Variants in BAZ2B observed in about 807,000 individuals in gnomAD.
The protein encoded by BAZ2B is bromodomain adjacent to zinc finger domain 2B.
A neutral mutation model predicts 246.0 loss-of-function variants in BAZ2B; 91 were observed. The ratio of observed to expected loss-of-function variants is 0.37; its 90% confidence interval spans 0.31 to 0.44. The LOEUF (loss-of-function observed/expected upper bound fraction) is 0.44. Ranked by LOEUF, BAZ2B falls within the 20% of genes least tolerant of loss-of-function variation. BAZ2B has a pLI of 1.00. For missense variants in BAZ2B, 2,332 were observed against 2,533.7 expected (o/e 0.92, Z 1.71); for synonymous variants, 855 against 860.0 (o/e 0.99, Z 0.10).
In BAZ2B at chr2:159,408,431, A is replaced by G. The variant is rs555068544; in HGVS notation, c.2678-3317T>C. On this transcript the variant is annotated intron_variant, in intron 14 of 36. Transcript: ENST00000392783. ...AGCAATCCTCTCACCTTGGCCTCCC[A>G]AAGTGCTAGGATTACACAGGTATAA... 5.3e-4 allele frequency among the ~76,000 whole-genome samples: 81 copies of G among 152,310 alleles called. 3 individuals are homozygous for G. The South Asian group carries it at 0.017, about 31-fold the overall frequency.
At position 159,471,627 on chromosome 2, in the gene BAZ2B, C is replaced by CT. The variant is rs553574175; in HGVS notation, c.145+6947dup. ...AAAAGAAGGTGTTTTGTATATACTG[C>CT]TTTTTTTAGGATGGGTGATACTAAG... On this transcript the variant is annotated intron_variant, in intron 3 of 36. Coordinates refer to ENST00000392783, the MANE Select transcript of BAZ2B (RefSeq NM_013450.4). 1.2e-4 allele frequency among the ~76,000 whole-genome samples: 19 copies of CT among 152,086 alleles called. 1 individual carries two copies. The South Asian group carries it at 4.0e-3, about 32-fold the overall frequency.
intron 19 of BAZ2B, chr2:159,397,103 G>A: frequency 6.9e-7 from 1 of 1,450,810 alleles, no homozygotes; most frequent in Non-Finnish European, 9.2e-7. Context: ...TCCAACTCCT[G>A]GTAGAAAGAG....
chr2:159,393,659 G>A (rs558934401), intron 20 of BAZ2B, among the ~76,000 whole-genome samples: 1 of 152,292 alleles, frequency 6.6e-6, no homozygotes, highest in Admixed American at 6.5e-5. Context: ...AGGTAGGAGA[G>A]GGAGAGCTAT....
At chr2:159,629,306 C>A in the BAZ2B span, among the ~76,000 whole-genome samples, 22 of 152,166 alleles carry the variant, frequency 1.4e-4, no homozygotes, top group Admixed American at 1.3e-4. Context: ...CTATTTGACC[C>A]AGCAATCTCA....
chr2:159,484,401 A>G (rs2079586064), intron 2 of BAZ2B, among the ~76,000 whole-genome samples: 1 of 152,216 alleles, frequency 6.6e-6, no homozygotes, highest in African/African-American at 2.4e-5. Flanking sequence ...CATTTTATCC[A>G]AATGTTTAAA....
At chr2:159,565,702 G>A (rs1255781163) in intron 1 of BAZ2B, among the ~76,000 whole-genome samples, 3 of 151,078 alleles carry the variant, frequency 2.0e-5, no homozygotes, top group Admixed American at 6.6e-5. Flanking sequence ...GCTTGAATCC[G>A]GGAGGGCGAG....
the BAZ2B span, among the ~76,000 whole-genome samples, chr2:159,646,600 T>C: frequency 6.6e-6 from 1 of 152,112 alleles, no homozygotes; most frequent in African/African-American, 2.4e-5. Flanking sequence ...GTGTAAGAAA[T>C]TATAAAAGTA....
At chr2:159,479,410 A>G (rs1276787011) in intron 2 of BAZ2B, among the ~76,000 whole-genome samples, 1 of 152,146 alleles carries the variant, frequency 6.6e-6, no homozygotes, top group African/African-American at 2.4e-5. Flanking sequence ...TTTGGAATAT[A>G]ATGGGCATTT....
chr2:159,324,966 A>G lies in BAZ2B; in HGVS notation c.6210-12T>C. Reference sequence around the variant, plus strand: ...CAGTCAGAATCATACTAAAGAAAATAATGTTTGAAATCAGTATCCATACTT... The same window carrying G: ...CAGTCAGAATCATACTAAAGAAAATGATGTTTGAAATCAGTATCCATACTT... On this transcript the variant is annotated splice_polypyrimidine_tract_variant and intron_variant, in intron 35 of 36. Transcript: ENST00000392783. 6.7e-7 allele frequency: 1 copy of G among 1,495,650 alleles called. No homozygotes were observed. Among genetic ancestry groups the G allele is most frequent in the Non-Finnish European group, 8.8e-7 (1 of 1,134,164 alleles). 92.6% of individuals were successfully genotyped at this position (1,495,650 alleles called of 1,614,324 possible).
chr2:159,504,841 C>G (rs1157182410), intron 2 of BAZ2B, among the ~76,000 whole-genome samples: 1 of 152,072 alleles, frequency 6.6e-6, no homozygotes, highest in African/African-American at 2.4e-5. Flanking sequence ...AAACACAAGT[C>G]CAGAACATTC....
chr2:159,603,136 C>CA (rs1245610706), intron 1 of BAZ2B, among the ~76,000 whole-genome samples: 2 of 151,774 alleles, frequency 1.3e-5, no homozygotes, highest in South Asian at 2.1e-4. Context: ...GACTCCGTCT[C>CA]AAAAAAACAA....
intron 2 of BAZ2B, among the ~76,000 whole-genome samples, chr2:159,482,030 A>G (rs1052238248): frequency 6.6e-6 from 1 of 152,074 alleles, no homozygotes; most frequent in Admixed American, 6.6e-5. Context: ...CACTCTGGTT[A>G]TACAACTTAT....
chr2:159,508,327 T>G lies in BAZ2B; in HGVS notation c.-2-29606A>C, dbSNP rs116206134. ...TTAATTTTTAGTCACAGTGACTTCTTACTTTCTTGCCAGATCAGCAAAGTC... is the reference window on the plus strand; with the variant it reads ...TTAATTTTTAGTCACAGTGACTTCTGACTTTCTTGCCAGATCAGCAAAGTC... On this transcript the variant is annotated intron_variant, in intron 2 of 36. Transcript: ENST00000392783. Among the ~76,000 whole-genome samples, 459 of 152,358 alleles carry G rather than the reference T, an allele frequency of 3.0e-3. 1 individual carries two copies. The highest frequency in any genetic ancestry group is 5.3e-3 in the Non-Finnish European group (360 of 68,036).
the BAZ2B span, among the ~76,000 whole-genome samples, chr2:159,634,967 T>C: frequency 3.0e-3 from 463 of 152,338 alleles, 2 homozygotes; most frequent in African/African-American, 0.01. Context: ...AGAAGTCACA[T>C]GGCTACAAGG....
chr2:159,484,809 C>T (rs747379791), intron 2 of BAZ2B, among the ~76,000 whole-genome samples: 6 of 151,668 alleles, frequency 4.0e-5, no homozygotes, highest in Non-Finnish European at 8.8e-5. Context: ...TTTAGTGTTG[C>T]CATATACCGT....
chr2:159,361,980 T>G (rs1025851923), intron 27 of BAZ2B, among the ~76,000 whole-genome samples: 12 of 151,802 alleles, frequency 7.9e-5, no homozygotes, highest in African/African-American at 2.9e-4. Flanking sequence ...GGGGGAGGGA[T>G]AGCATTAGGA....
At chr2:159,327,956 T>G (rs969784862) in intron 34 of BAZ2B, among the ~76,000 whole-genome samples, 13 of 151,550 alleles carry the variant, frequency 8.6e-5, no homozygotes, top group African/African-American at 3.2e-4. Flanking sequence ...TCTCAGCTAC[T>G]TAGGAGGTTG....
chr2:159,637,481 A>G, the BAZ2B span, among the ~76,000 whole-genome samples: 2 of 152,230 alleles, frequency 1.3e-5, no homozygotes, highest in African/African-American at 4.8e-5. Context: ...AAAGGAGAGG[A>G]AACACTGGGG....
intron 34 of BAZ2B, among the ~76,000 whole-genome samples, chr2:159,331,522 C>T (rs1330643624): frequency 6.6e-6 from 1 of 152,176 alleles, no homozygotes; most frequent in South Asian, 2.1e-4. Flanking sequence ...CATGTGCCAC[C>T]ACTAATTTTT....
Sources: allele counts gnomAD v4.1 joint callset (sites outside exome capture counted in the v4.1 genomes callset), GRCh38; gene constraint gnomAD v4.1.1; transcripts MANE v1.5; gene names NCBI Gene and HGNC (gene_info 2026-07-23, HGNC 2026-07-21).